The following NBEA variants were observed in gnomAD, a reference collection of about 807,000 sequenced individuals.
The protein encoded by NBEA is lysosomal-trafficking regulator 2.
A neutral mutation model predicts 343.4 loss-of-function variants in NBEA; 44 were observed. The ratio of observed to expected loss-of-function variants is 0.13; its 90% CI spans 0.10 to 0.16. The LOEUF (loss-of-function observed/expected upper bound fraction) is 0.16, where lower values mean the gene tolerates loss of function less well. Ranked by LOEUF, NBEA falls within the 10% of genes least tolerant of loss-of-function variation. The pLI is 1.00. For missense variants in NBEA, 2,555 were observed against 3,631.3 expected, an observed-to-expected ratio of 0.70 and a Z score of 7.62; for synonymous variants, 1,175 against 1,238.7, an observed-to-expected ratio of 0.95 and a Z score of 1.08.
chr13:35,244,892 A>G (rs917632002), intron 34 of NBEA, among the ~76,000 whole-genome samples: 5 of 152,020 alleles, frequency 3.3e-5, no homozygotes, highest in African/African-American at 1.2e-4. Context: ...TCTTGATTAG[A>G]TTCTCGGCCT....
At chr13:35,239,677 C>T (rs1008288027) in intron 34 of NBEA, among the ~76,000 whole-genome samples, 3 of 152,144 alleles carry the variant, frequency 2.0e-5, no homozygotes, top group Admixed American at 6.5e-5. Flanking sequence ...CACACATACA[C>T]GCATACCCAT....
chr13:35,003,586 T>C (rs1276711014), intron 1 of NBEA, among the ~76,000 whole-genome samples: 2 of 152,172 alleles, frequency 1.3e-5, no homozygotes, highest in African/African-American at 4.8e-5. Flanking sequence ...TAAATAAAAA[T>C]TCCATTTCAG....
chr13:35,289,673 A>G (rs1175071096), intron 34 of NBEA, among the ~76,000 whole-genome samples: 1 of 151,952 alleles, frequency 6.6e-6, no homozygotes, highest in Non-Finnish European at 1.5e-5. Flanking sequence ...TATAATGATA[A>G]TTAAATGAGA....
intron 47 of NBEA, among the ~76,000 whole-genome samples, chr13:35,600,333 GATGA>G (rs1237222623): frequency 6.6e-6 from 1 of 152,170 alleles, no homozygotes; most frequent in African/African-American, 2.4e-5. Context: ...CTCTGGACCT[GATGA>G]ATTTTTGCAT....
At position 34,961,042 on chromosome 13, in the gene NBEA, A is replaced by T. The variant is rs540438400; in HGVS notation, c.294+17928A>T. Reference sequence around the variant, plus strand: ...AGATGACCTGGCTGGAAAATATAGGATATAGACATTTACAACAGAGATTTG... The same window carrying T: ...AGATGACCTGGCTGGAAAATATAGGTTATAGACATTTACAACAGAGATTTG... On this transcript the variant is annotated intron_variant, in intron 1 of 58. Coordinates refer to ENST00000379939, the MANE Select transcript of NBEA (RefSeq NM_001385012.1). 2.0e-5 allele frequency among the ~76,000 whole-genome samples: 3 copies of T among 152,168 alleles called. No homozygotes were observed. The South Asian group carries it at 6.2e-4, about 32-fold the overall frequency.
chr13:35,159,784 G>A lies in NBEA; in HGVS notation c.3613G>A (p.Glu1205Lys), dbSNP rs2069429456. The part of the protein sequence containing the change: ...DLTCTSSIIE[E>K]KEFKIHTTSD... Reference sequence around the variant, plus strand: ...AACTTGTACATCCAGTATAATAGAAGAAAAAGAATTCAAAATCCATACAAC... The same window carrying A: ...AACTTGTACATCCAGTATAATAGAAAAAAAAGAATTCAAAATCCATACAAC... The change falls in exon 22 of 59, where the codon GAA becomes AAA. Residue 1205 changes from glutamate to lysine, a missense_variant. Glu to Lys is a moderately conservative substitution (Grantham distance 56, BLOSUM62 1). This residue lies in a region of NBEA where 367 missense variants were observed against 377.5 expected (regional missense o/e 0.97). Transcript: ENST00000379939. 4 of 1,612,384 alleles carry A rather than the reference G, an allele frequency of 2.5e-6. No individual in the cohort carries two copies. The highest frequency in any genetic ancestry group is 3.4e-6 in the Non-Finnish European group (4 of 1,179,308).
At chr13:35,361,490 G>A (rs1204448416) in intron 38 of NBEA, among the ~76,000 whole-genome samples, 1 of 152,032 alleles carries the variant, frequency 6.6e-6, no homozygotes, top group African/African-American at 2.4e-5. Context: ...ACATCCATGT[G>A]CAAAAATCGG....
intron 41 of NBEA, among the ~76,000 whole-genome samples, chr13:35,539,915 C>CAAAAAAAAAAAAAAAAAAAAA (rs71081262): frequency 1.0e-4 from 4 of 39,614 alleles, no homozygotes; most frequent in Non-Finnish European, 1.8e-4. Flanking sequence ...GACTCCGTCT[C>CAAAAAAAAAAAAAAAAAAAAA]AAAAAAAAAA....
intron 8 of NBEA, among the ~76,000 whole-genome samples, chr13:35,066,937 A>G (rs1334537064): frequency 6.6e-6 from 1 of 151,986 alleles, no homozygotes; most frequent in Admixed American, 6.6e-5. Flanking sequence ...CACTTAAAAA[A>G]CATTTCTTTA....
At position 35,052,230 on chromosome 13, in the gene NBEA, G is replaced by A. The variant is rs192355579; in HGVS notation, c.972+1835G>A. Among the ~76,000 whole-genome samples, 450 of 151,952 alleles carry A rather than the reference G, an allele frequency of 3.0e-3. 2 individuals carry two copies. Among genetic ancestry groups the A allele is most frequent in the African/African-American group, 0.01 (433 of 41,500 alleles). On this transcript the variant is annotated intron_variant, in intron 6 of 58. Coordinates refer to ENST00000379939, the MANE Select transcript of NBEA (RefSeq NM_001385012.1). ...TCTTTAATTTTCCATAGATTCCCTAGCTAAGTTGTTGTTATCCTTCCTAAT... is the reference window on the plus strand; with the variant it reads ...TCTTTAATTTTCCATAGATTCCCTAACTAAGTTGTTGTTATCCTTCCTAAT...
rs1231255027 is a variant in NBEA at position 35,406,162 on chromosome 13, C to A, written c.6180-26107C>A. Among the ~76,000 whole-genome samples the A allele has an allele frequency of 3.9e-5, 6 of 152,224 alleles. No homozygotes were observed. The East Asian group carries it at 1.2e-3, about 29-fold the overall frequency. On this transcript the variant is annotated intron_variant, in intron 38 of 58. Coordinates refer to ENST00000379939, the MANE Select transcript of NBEA (RefSeq NM_001385012.1). ...CAAATCATTTCTCTCTTTTTACTCT[C>A]CAGCCCTGCCTTCTTGTTTAATATT...
chr13:35,300,815 T>TA (rs1457551920), intron 35 of NBEA, among the ~76,000 whole-genome samples: 2 of 152,198 alleles, frequency 1.3e-5, no homozygotes, highest in African/African-American at 4.8e-5. Flanking sequence ...TGCCCTTTGT[T>TA]ACACTTTTCC....
At chr13:35,300,379 A>G (rs520798) in intron 35 of NBEA, among the ~76,000 whole-genome samples, 32,479 of 152,108 alleles carry the variant, frequency 0.21, 3,894 homozygotes, top group African/African-American at 0.32. Context: ...GTGCATCAGT[A>G]TAAAAGAATA....
At chr13:34,990,857 A>G (rs1253765426) in intron 1 of NBEA, among the ~76,000 whole-genome samples, 1 of 152,218 alleles carries the variant, frequency 6.6e-6, no homozygotes, top group Non-Finnish European at 1.5e-5. Context: ...TGCTGTTAGA[A>G]GCAACCAGGC....
At chr13:35,236,603 C>T (rs375960601) in intron 34 of NBEA, among the ~76,000 whole-genome samples, 67 of 151,282 alleles carry the variant, frequency 4.4e-4, no homozygotes, top group Non-Finnish European at 6.6e-4. Flanking sequence ...CCTGCCACCA[C>T]GCCCAGATAT....
intron 48 of NBEA, among the ~76,000 whole-genome samples, chr13:35,609,652 CT>C (rs1438796939): frequency 5.3e-5 from 8 of 152,130 alleles, no homozygotes; most frequent in Non-Finnish European, 8.8e-5. Context: ...TAAGCAGAGA[CT>C]TTTTTGTATT....
At position 35,654,917 on chromosome 13, in the gene NBEA, A is replaced by C; in HGVS notation, c.8098A>C (p.Asn2700His). Residue 2700 changes from asparagine (N) to histidine (H), a missense_variant, in exon 54 of 59, where the codon AAT becomes CAT. Physicochemically the swap from Asn to His is moderately conservative, Grantham distance 68. Coordinates refer to ENST00000379939, the MANE Select transcript of NBEA (RefSeq NM_001385012.1). The part of the protein sequence containing the change: ...TDLVDQSIQI[N>H]AHCFVVTADN... ...CCTCGTTGACCAGAGTATACAAATC[A>C]ATGCACATTGTTTTGTGGTAACAGC... is the stretch of plus-strand genomic sequence containing the variant. The C allele has an allele frequency of 6.3e-7, 1 of 1,591,126 alleles. No individual in the cohort carries two copies. The highest frequency in any genetic ancestry group is 8.5e-7 in the Non-Finnish European group (1 of 1,172,308).
At chr13:35,280,708 C>A (rs558223194) in intron 34 of NBEA, among the ~76,000 whole-genome samples, 1 of 152,088 alleles carries the variant, frequency 6.6e-6, no homozygotes, top group East Asian at 1.9e-4. Context: ...AGTATGCACA[C>A]TACTTATAGA....
At chr13:35,439,828 G>A (rs1438068085) in intron 39 of NBEA, among the ~76,000 whole-genome samples, 2 of 151,914 alleles carry the variant, frequency 1.3e-5, no homozygotes, top group Non-Finnish European at 2.9e-5. Flanking sequence ...ACAATTCTTT[G>A]TGCTTATTAC....
Sources: allele counts gnomAD v4.1 joint callset (sites outside exome capture counted in the v4.1 genomes callset), GRCh38; gene constraint gnomAD v4.1.1; regional missense constraint gnomAD v4.1.1; transcripts MANE v1.5; gene names NCBI Gene and HGNC (gene_info 2026-07-23, HGNC 2026-07-21).